NDST1: variants seen among roughly 807,000 people sequenced by gnomAD.
NDST1 encodes the protein N-deacetylase and N-sulfotransferase 1.
Under a neutral mutation model 92.8 loss-of-function variants are expected in NDST1, and 35 were observed. The observed-to-expected ratio is 0.38, with a 90% CI of 0.29 to 0.50. The LOEUF (loss-of-function observed/expected upper bound fraction) is 0.50, where lower values mean the gene tolerates loss of function less well. Among genes scored for constraint, NDST1 ranks in the 20% least tolerant of loss-of-function variants. The pLI is 0.94. For missense variants in NDST1, 822 were observed against 1,182.7 expected (o/e 0.69, Z 4.47); for synonymous variants, 493 against 500.3 (o/e 0.99, Z 0.19).
chr5:150,534,730 C>T, intron 4 of NDST1, 137 bp from the exon 5 acceptor site: 1 of 1,029,530 alleles, frequency 9.7e-7, no homozygotes, highest in Non-Finnish European at 1.5e-6. Flanking sequence ...CTGTCTGCTC[C>T]TGTGCTGTAG....
intron 7 of NDST1, chr5:150,539,818 A>T: frequency 1.0e-6 from 1 of 982,326 alleles, no homozygotes; most frequent in Non-Finnish European, 1.2e-6. Context: ...CCCCACCCCT[A>T]ACATTTACAA....
rs1394366371 is a variant in NDST1 at position 150,554,216 on chromosome 5, G to A, written c.*884G>A. On this transcript the variant is annotated 3_prime_UTR_variant, in exon 15 of 15. Transcript: ENST00000261797. ...CGGCTTTGCTTAGCCACCTGTGGCC[G>A]AGGGCTCTCAGAGACCCCCTTAACC... 3 of 398,158 alleles carry A rather than the reference G, an allele frequency of 7.5e-6. No homozygotes were observed. Among genetic ancestry groups the A allele is most frequent in the East Asian group, 3.6e-5 (1 of 28,040 alleles). 24.7% of individuals were successfully genotyped at this position (398,158 alleles called of 1,614,324 possible). A position where few individuals can be genotyped will look rare whatever the true frequency, so the allele number is the denominator to read the frequency against.
At chr5:150,552,390 G>C (rs1336308518) in intron 14 of NDST1, among the ~76,000 whole-genome samples, 1 of 152,086 alleles carries the variant, frequency 6.6e-6, no homozygotes, top group Non-Finnish European at 1.5e-5. Context: ...AAACCATAGG[G>C]GGAAAAAAGA....
chr5:150,555,779 C>T lies in NDST1; in HGVS notation c.*2447C>T, dbSNP rs1469164768. 1 of 152,266 alleles carries T rather than the reference C, an allele frequency of 6.6e-6. No individual in the cohort carries two copies. Among genetic ancestry groups the T allele is most frequent in the Non-Finnish European group, 1.5e-5 (1 of 68,068 alleles). The allele number at this position is 152,266 out of a possible 1,614,324, so 9.4% of individuals were successfully genotyped here. A position where few individuals can be genotyped will look rare whatever the true frequency, so the allele number is the denominator to read the frequency against. ...GTGGGCTGGCCTAGGGCAGGAGCTC[C>T]ACTTCTCTCTGCCTCTGGCTATGGG... is the stretch of plus-strand genomic sequence containing the variant. On this transcript the variant is annotated 3_prime_UTR_variant, in exon 15 of 15. Transcript: ENST00000261797.
intron 1 of NDST1, among the ~76,000 whole-genome samples, chr5:150,509,126 G>T (rs954386072): frequency 1.3e-5 from 2 of 152,130 alleles, no homozygotes; most frequent in Non-Finnish European, 2.9e-5. Context: ...TTCCAGGCCC[G>T]CATGGATTTT....
chr5:150,539,408 C>T, intron 7 of NDST1, 52 bp downstream of exon 7: 1 of 1,612,162 alleles, frequency 6.2e-7, no homozygotes, highest in Non-Finnish European at 8.5e-7. Context: ...GCTGCACAGC[C>T]TGTCTGCAGC....
chr5:150,536,727 G>T (rs1360531102), intron 6 of NDST1, among the ~76,000 whole-genome samples: 1 of 152,154 alleles, frequency 6.6e-6, no homozygotes, highest in East Asian at 1.9e-4. Flanking sequence ...CACCATGCCT[G>T]GATAATTTTG....
At chr5:150,517,127 C>T (rs1754011150) in intron 1 of NDST1, among the ~76,000 whole-genome samples, 2 of 152,064 alleles carry the variant, frequency 1.3e-5, no homozygotes, top group African/African-American at 4.8e-5. Flanking sequence ...CAGCTTCCCC[C>T]ATTATCAACA....
At chr5:150,543,675 A>G (rs1755347892) in intron 10 of NDST1, among the ~76,000 whole-genome samples, 2 of 152,236 alleles carry the variant, frequency 1.3e-5, no homozygotes, top group African/African-American at 4.8e-5. Context: ...CATCACGTGC[A>G]TGGACTGCAA....
rs544753406 is a variant in NDST1, at chr5:150,509,908, G to A, written c.-388+1682G>A. On this transcript the variant is annotated intron_variant, in intron 1 of 14. Transcript: ENST00000261797. ...GTTCCATGGTGCACCTCTCTGCAGTGCAGGCTTTCCCAGGAGGCTGAAGCT... is the reference window on the plus strand; with the variant it reads ...GTTCCATGGTGCACCTCTCTGCAGTACAGGCTTTCCCAGGAGGCTGAAGCT... 2.0e-5 allele frequency among the ~76,000 whole-genome samples: 3 copies of A among 152,318 alleles called. No homozygotes were observed. In the South Asian group the frequency reaches 6.2e-4, roughly 32 times the overall value.
chr5:150,512,390 A>G (rs979673725), intron 1 of NDST1, among the ~76,000 whole-genome samples: 1 of 152,238 alleles, frequency 6.6e-6, no homozygotes, highest in African/African-American at 2.4e-5. Flanking sequence ...TACCAGAGAC[A>G]TAAAACCTTG....
upstream of NDST1, among the ~76,000 whole-genome samples, chr5:150,503,753 G>T (rs17799613): frequency 6.6e-6 from 1 of 152,112 alleles, no homozygotes; most frequent in Non-Finnish European, 1.5e-5. Flanking sequence ...CTAGCCAAGG[G>T]TCTTCATTGG....
chr5:150,523,425 G>T (rs748980880), intron 2 of NDST1, among the ~76,000 whole-genome samples: 1 of 152,204 alleles, frequency 6.6e-6, no homozygotes, highest in South Asian at 2.1e-4. Flanking sequence ...GTCTACATGC[G>T]TTGTGCAGAT....
rs111972110 is a variant in NDST1 at position 150,553,565 on chromosome 5, C to T, written c.*233C>T. 4 of 534,086 alleles carry T rather than the reference C, an allele frequency of 7.5e-6. No homozygotes were observed. The highest frequency in any genetic ancestry group is 5.7e-5 in the African/African-American group (3 of 52,946). 33.1% of individuals were successfully genotyped at this position (534,086 alleles called of 1,614,324 possible). A position where few individuals can be genotyped will look rare whatever the true frequency, so the allele number is the denominator to read the frequency against. ...CCTCCCTCGCCAGCAGAGGTCCATTCCGTTCCCAGCTGCTCCTGGGGAGGC... is the reference window on the plus strand; with the variant it reads ...CCTCCCTCGCCAGCAGAGGTCCATTTCGTTCCCAGCTGCTCCTGGGGAGGC... On this transcript the variant is annotated 3_prime_UTR_variant, in exon 15 of 15. Coordinates refer to ENST00000261797, the MANE Select transcript of NDST1 (RefSeq NM_001543.5). This position sits in a 1 kb window ranked among gnomAD's most constrained non-coding sequence, Gnocchi z 4.2.
intron 11 of NDST1, 124 bp downstream of exon 11, chr5:150,545,610 G>T (rs1378325197): frequency 1.6e-6 from 2 of 1,262,976 alleles, no homozygotes; most frequent in Non-Finnish European, 2.2e-6. Flanking sequence ...TGAGCCAGGC[G>T]CCTGGAGCGT....
chr5:150,529,830 G>A (rs1014546351), intron 3 of NDST1, among the ~76,000 whole-genome samples: 4 of 152,244 alleles, frequency 2.6e-5, no homozygotes, highest in Non-Finnish European at 5.9e-5. Context: ...GAAATCTCTG[G>A]TAGGGGTTGG....
intron 2 of NDST1, among the ~76,000 whole-genome samples, chr5:150,525,953 C>T (rs1754457609): frequency 6.6e-6 from 1 of 152,184 alleles, no homozygotes; most frequent in Non-Finnish European, 1.5e-5. Flanking sequence ...TTGAGGGCTT[C>T]CTGCTGCTGC....
intron 1 of NDST1, among the ~76,000 whole-genome samples, chr5:150,501,454 G>T (rs1753225270): frequency 6.6e-6 from 1 of 152,180 alleles, no homozygotes; most frequent in South Asian, 2.1e-4. Context: ...TCATCCATTG[G>T]TCCAAGCAGT....
chr5:150,544,237 T>C (rs1755381118), intron 10 of NDST1, among the ~76,000 whole-genome samples: 1 of 152,210 alleles, frequency 6.6e-6, no homozygotes, highest in East Asian at 1.9e-4. Context: ...CAGCACCCTG[T>C]TAGCAAATTC....
Sources: allele counts gnomAD v4.1 joint callset (sites outside exome capture counted in the v4.1 genomes callset), GRCh38; gene constraint gnomAD v4.1.1; non-coding constraint Gnocchi (gnomAD v3.1); transcripts MANE v1.5; gene names NCBI Gene and HGNC (gene_info 2026-07-23, HGNC 2026-07-21).